PHF10: variants seen among roughly 807,000 people sequenced by gnomAD.
PHF10 encodes PHD finger protein 10.
PHF10 carries 51 observed loss-of-function variants against 68.5 expected under a neutral mutation model. The ratio of observed to expected loss-of-function variants is 0.74; its 90% CI spans 0.59 to 0.94. The LOEUF is 0.94. Among genes scored for constraint, PHF10 ranks in the 40% least tolerant of loss-of-function variants. The probability of loss-of-function intolerance (pLI) is 0.00; values close to 1 mark genes in which losing one functional copy is unlikely to be tolerated. For missense variants in PHF10, 460 were observed against 602.6 expected (o/e 0.76, Z 2.48); for synonymous variants, 204 against 203.5 (o/e 1.00, Z -0.02).
rs1585293242 is a variant in PHF10, at chr6:169,703,913, A to G, written c.*90T>C. 16 of 1,115,036 alleles carry G rather than the reference A, an allele frequency of 1.4e-5. No homozygotes were observed. The highest frequency in any genetic ancestry group is 2.0e-5 in the Non-Finnish European group (16 of 789,154). The allele number at this position is 1,115,036 out of a possible 1,614,324, so 69.1% of individuals were successfully genotyped here. On this transcript the variant is annotated 3_prime_UTR_variant, in exon 12 of 12. Transcript: ENST00000339209. ...AGATTTTAAGCTCATAATTTGCAAAAAAAATCTTTTATTGGCATGAAAATA... is the reference window on the plus strand; with the variant it reads ...AGATTTTAAGCTCATAATTTGCAAAGAAAATCTTTTATTGGCATGAAAATA...
In PHF10 at chr6:169,713,675, CTTTT is replaced by C. The variant is rs200831424; in HGVS notation, c.803+1054_803+1057del. Among the ~76,000 whole-genome samples the C allele has an allele frequency of 8.8e-3, 1,331 of 151,240 alleles. 3 individuals are homozygous for C. Among genetic ancestry groups the C allele is most frequent in the Middle Eastern group, 0.014 (4 of 290 alleles). ...TGATTTAAATTTGAATTTAAAAAAT[CTTTT>C]TTTATTTAAAAAATTTCTGCCCAAG... is the stretch of plus-strand genomic sequence containing the variant. On this transcript the variant is annotated intron_variant, in intron 7 of 11. Coordinates refer to ENST00000339209, the MANE Select transcript of PHF10 (RefSeq NM_018288.4).
intron 4 of PHF10, among the ~76,000 whole-genome samples, chr6:169,716,410 C>G (rs576683183): frequency 7.8e-4 from 119 of 151,880 alleles, no homozygotes; most frequent in African/African-American, 2.7e-3. Flanking sequence ...TAACTACTAA[C>G]AAGTACTACA....
At position 169,717,854 on chromosome 6, in the gene PHF10, T is replaced by G; in HGVS notation, c.378A>C (p.Leu126=). ...TGCACTGAGTTTCAGTAATGACATT[T>G]AGCTCTCTCAGGTAGAGTTTCTCCT... The part of the protein sequence containing the change: ...SHKEKLYLRE[L]NVITETQCTL... Residue 126 remains leucine (L), a synonymous_variant, in exon 4 of 12, where the codon CTA becomes CTC. Coordinates refer to ENST00000339209, the MANE Select transcript of PHF10 (RefSeq NM_018288.4). The G allele has an allele frequency of 6.4e-7, 1 of 1,565,542 alleles. No individual in the cohort carries two copies. The highest frequency in any genetic ancestry group is 8.8e-7 in the Non-Finnish European group (1 of 1,141,684).
At chr6:169,716,640 T>G (rs1329670898) in intron 4 of PHF10, among the ~76,000 whole-genome samples, 2 of 152,160 alleles carry the variant, frequency 1.3e-5, no homozygotes, top group East Asian at 3.8e-4. Flanking sequence ...TGCATTAAAA[T>G]GTTTGTGAAA....
chr6:169,720,660 G>T (rs151061414), intron 2 of PHF10, among the ~76,000 whole-genome samples: 66 of 152,178 alleles, frequency 4.3e-4, no homozygotes, highest in African/African-American at 1.3e-3. Context: ...AGGGAGAAAG[G>T]GAGGTTATTG....
intron 7 of PHF10, 100 bp from the exon 8 acceptor site, chr6:169,712,639 C>T (rs1788951213): frequency 3.0e-6 from 3 of 993,194 alleles, no homozygotes; most frequent in African/African-American, 3.3e-5. Context: ...TTGAGTAACC[C>T]CGAAGACTTT....
At chr6:169,719,070 G>A (rs1039448998) in intron 2 of PHF10, 152 bp from the exon 3 acceptor site, 6 of 543,348 alleles carry the variant, frequency 1.1e-5, no homozygotes, top group Middle Eastern at 4.8e-4. Flanking sequence ...TTACAAAACA[G>A]GTACAAGGAA....
At chr6:169,716,680 T>C (rs776042452) in intron 4 of PHF10, among the ~76,000 whole-genome samples, 1 of 152,162 alleles carries the variant, frequency 6.6e-6, no homozygotes, top group African/African-American at 2.4e-5. Flanking sequence ...ACGGACATAA[T>C]TATACAGAAC....
intron 1 of PHF10, among the ~76,000 whole-genome samples, 179 bp from the exon 2 acceptor site, chr6:169,721,290 T>C (rs909426379): frequency 2.0e-5 from 3 of 152,210 alleles, no homozygotes; most frequent in Non-Finnish European, 2.9e-5. Flanking sequence ...AAAACTGATC[T>C]TCAATCCAAT....
chr6:169,715,775 TCTG>T lies in PHF10; in HGVS notation c.623_625del (p.Ala208del). On this transcript the variant is annotated inframe_deletion, in exon 6 of 12. Coordinates refer to ENST00000339209, the MANE Select transcript of PHF10 (RefSeq NM_018288.4). ...TTCCCGGTTTAAGTTGCTATTAAATTCTGCTGCTTTTTTGGCAGCTTTCTTAAT... is the reference window on the plus strand; with the variant it reads ...TTCCCGGTTTAAGTTGCTATTAAATTCTGCTTTTTTGGCAGCTTTCTTAAT... 6.2e-7 allele frequency: 1 copy of T among 1,613,672 alleles called. No homozygotes were observed. Among genetic ancestry groups the T allele is most frequent in the Non-Finnish European group, 8.5e-7 (1 of 1,179,948 alleles).
At position 169,705,666 on chromosome 6, in the gene PHF10, T is replaced by C. The variant is rs1212956484; in HGVS notation, c.1172A>G (p.Lys391Arg). ...GICLKGKESN[K>R]KGKAESLIHC... ...TATAAGTGATTCAGCCTTTCCTTTC[T>C]TGTTGGACTCCTTACCCTTCAGACA... Residue 391 changes from lysine (K) to arginine (R), a missense_variant, in exon 10 of 12, where the codon AAG (lysine) becomes AGG (arginine). By Grantham distance (26) the Lys-to-Arg change is conservative. Around this residue, in one of 3 missense-constraint regions of PHF10, gnomAD observed 256 missense variants for 410.5 expected, o/e 0.62. Transcript: ENST00000339209. 6 of 1,593,562 alleles carry C rather than the reference T, an allele frequency of 3.8e-6. No homozygotes were observed. The highest frequency in any genetic ancestry group is 5.2e-6 in the Non-Finnish European group (6 of 1,161,400).
At position 169,723,986 on chromosome 6, in the gene PHF10, CGCCGCCGCCGCT is replaced by C. The variant is rs1452658447; in HGVS notation, c.-67_-56del. On this transcript the variant is annotated 5_prime_UTR_variant, in exon 1 of 12. Coordinates refer to ENST00000339209, the MANE Select transcript of PHF10 (RefSeq NM_018288.4). ...GCCGTCGCCTCCGCCTTGTCCCGGC[CGCCGCCGCCGCT>C]GCCGCCGCCGCCGCCGCCGCCGCCG... The C allele has an allele frequency of 1.7e-4, 77 of 451,604 alleles. No homozygotes were observed. The highest frequency in any genetic ancestry group is 1.4e-3 in the Admixed American group (20 of 14,756). 28.0% of individuals were successfully genotyped at this position (451,604 alleles called of 1,614,324 possible).
At chr6:169,723,410 A>AACGATATGAACGATATGAAG (rs1289078987) in intron 1 of PHF10, among the ~76,000 whole-genome samples, 1 of 152,114 alleles carries the variant, frequency 6.6e-6, no homozygotes, top group Non-Finnish European at 1.5e-5. Flanking sequence ...GAGTGTGTTG[A>AACGATATGAACGATATGAAG]TTTTCCATAT....
rs752290239 is a variant in PHF10 at position 169,712,542 on chromosome 6, G to A, written c.804-3C>T. The A allele has an allele frequency of 6.2e-7, 1 of 1,600,626 alleles. No homozygotes were observed. Among genetic ancestry groups the A allele is most frequent in the Admixed American group, 1.8e-5 (1 of 55,182 alleles). ...ACCGCAGCTCATCTGGTGAGTACCTGAAGTTCAGAGAGTTTATTTTTGGTT... is the reference window on the plus strand; with the variant it reads ...ACCGCAGCTCATCTGGTGAGTACCTAAAGTTCAGAGAGTTTATTTTTGGTT... On this transcript the variant is annotated splice_region_variant and splice_polypyrimidine_tract_variant and intron_variant, in intron 7 of 11. Coordinates refer to ENST00000339209, the MANE Select transcript of PHF10 (RefSeq NM_018288.4).
chr6:169,720,616 G>C (rs1041017604), intron 2 of PHF10, among the ~76,000 whole-genome samples: 1 of 152,134 alleles, frequency 6.6e-6, no homozygotes, highest in Admixed American at 6.5e-5. Flanking sequence ...CACGGAAATA[G>C]AAAGTAGAAT....
intron 3 of PHF10, among the ~76,000 whole-genome samples, chr6:169,718,138 A>G (rs1789094867): frequency 6.6e-6 from 1 of 152,214 alleles, no homozygotes; most frequent in African/African-American, 2.4e-5. Flanking sequence ...CATATAAATA[A>G]CTATACTAAA....
At position 169,715,787 on chromosome 6, in the gene PHF10, T is replaced by C; in HGVS notation, c.614A>G (p.Lys205Arg). ...KVPEYIKKAA[K>R]KAAEFNSNLN... ...GTTGCTATTAAATTCTGCTGCTTTTTTGGCAGCTTTCTTAATATACTCAGG... is the reference window on the plus strand; with the variant it reads ...GTTGCTATTAAATTCTGCTGCTTTTCTGGCAGCTTTCTTAATATACTCAGG... The change falls in exon 6 of 12, where the codon AAA becomes AGA. Residue 205 changes from lysine (K) to arginine (R), a missense_variant. By Grantham distance (26) the Lys-to-Arg change is conservative. Coordinates refer to ENST00000339209, the MANE Select transcript of PHF10 (RefSeq NM_018288.4). The C allele has an allele frequency of 6.2e-7, 1 of 1,613,792 alleles. No individual in the cohort carries two copies. The highest frequency in any genetic ancestry group is 8.5e-7 in the Non-Finnish European group (1 of 1,179,898).
At position 169,715,632 on chromosome 6, in the gene PHF10, TA is replaced by T. The variant is rs1353475045; in HGVS notation, c.693+75del. The T allele has an allele frequency of 4.2e-5, 51 of 1,207,218 alleles. 2 individuals carry two copies. The highest frequency in any genetic ancestry group is 5.4e-5 in the Non-Finnish European group (45 of 830,238). 74.8% of individuals were successfully genotyped at this position (1,207,218 alleles called of 1,614,324 possible). A position where few individuals can be genotyped will look rare whatever the true frequency, so the allele number is the denominator to read the frequency against. On this transcript the variant is annotated intron_variant, in intron 6 of 11. Transcript: ENST00000339209. The stretch of plus-strand genomic sequence containing the variant: ...ACATAGGTGGTACAAAAAATAACGA[TA>T]AAGGGGGTGATGGGCACTCTGCAAT...
At position 169,718,552 on chromosome 6, in the gene PHF10, C is replaced by T. The variant is rs556828492; in HGVS notation, c.325+236G>A. Reference sequence around the variant, plus strand: ...ACGCGTCGTGGTGCACACCTGTAGTCCCAGATACTTAGAAGGCTGAGGCAG... The same window carrying T: ...ACGCGTCGTGGTGCACACCTGTAGTTCCAGATACTTAGAAGGCTGAGGCAG... On this transcript the variant is annotated intron_variant, in intron 3 of 11. Transcript: ENST00000339209. Among the ~76,000 whole-genome samples the T allele has an allele frequency of 2.0e-4, 31 of 152,226 alleles. 1 individual carries two copies. The highest frequency in any genetic ancestry group is 3.8e-4 in the Non-Finnish European group (26 of 68,012).
Sources: gnomAD v4.1 joint callset for allele counts (sites outside exome capture counted in the v4.1 genomes callset) on GRCh38, gnomAD v4.1.1 for gene constraint, gnomAD v4.1.1 regional missense constraint, MANE v1.5 for transcripts, NCBI Gene and HGNC (gene_info 2026-07-23, HGNC 2026-07-21) for gene names.